Variants in DNAH3 observed in about 807,000 individuals in gnomAD.
DNAH3 encodes the protein axonemal beta dynein heavy chain 3.
DNAH3 carries 332 observed loss-of-function variants against 432.5 expected under a neutral mutation model. That is an observed-to-expected ratio of 0.77 (90% CI 0.70 to 0.84). DNAH3 has a LOEUF of 0.84. Ranked by LOEUF, DNAH3 falls within the 40% of genes least tolerant of loss-of-function variation. DNAH3 has a pLI of 0.00. For synonymous variants in DNAH3, 1,956 were observed against 1,900.2 expected, an observed-to-expected ratio of 1.03 and a Z score of -0.76; for missense variants, 4,861 against 5,114.0, an observed-to-expected ratio of 0.95 and a Z score of 1.51.
exon 55 of DNAH3, chr16:20,954,852 G>C (rs1333811510): frequency 6.2e-7 from 1 of 1,614,108 alleles, no homozygotes; most frequent in Non-Finnish European, 8.5e-7. Flanking sequence ...ACAACGGCGT[G>C]GAAGAAACAA....
At chr16:21,128,386 A>AAAAAC (rs141397436) in intron 7 of DNAH3, among the ~76,000 whole-genome samples, 41,773 of 150,218 alleles carry the variant, frequency 0.28, 5,917 homozygotes, top group African/African-American at 0.33. Context: ...TCATCTCTCC[A>AAAAAC]AAAACAAAAC....
At chr16:21,075,681 G>A in intron 20 of DNAH3, 120 bp from the exon 21 acceptor site, 1 of 769,198 alleles carries the variant, frequency 1.3e-6, no homozygotes, top group South Asian at 1.5e-5. Context: ...GGGAGGCCGA[G>A]GAGGGAAGAT....
At chr16:21,156,296 A>G (rs901489957) in intron 1 of DNAH3, among the ~76,000 whole-genome samples, 3 of 151,560 alleles carry the variant, frequency 2.0e-5, no homozygotes, top group East Asian at 1.9e-4. Flanking sequence ...CAGTGGTGCA[A>G]TCTCAGCTCA....
At chr16:21,090,828 TGTA>T (rs1220091901) in intron 18 of DNAH3, among the ~76,000 whole-genome samples, 1 of 152,146 alleles carries the variant, frequency 6.6e-6, no homozygotes. Context: ...AGTAATCTAT[TGTA>T]GTGCATGGTG....
At chr16:21,003,104 C>A in exon 42 of DNAH3, 1 of 1,596,814 alleles carries the variant, frequency 6.3e-7, no homozygotes, top group Non-Finnish European at 8.6e-7. Context: ...CTCTTTATAC[C>A]TTTGCACCAG....
At chr16:20,962,190 TAAAA>T (rs923173596) in intron 53 of DNAH3, among the ~76,000 whole-genome samples, 4 of 151,188 alleles carry the variant, frequency 2.6e-5, no homozygotes, top group Non-Finnish European at 5.9e-5. Context: ...AAATAATAAT[TAAAA>T]AAAATAATCA....
chr16:21,125,776 A>C (rs946518000), intron 8 of DNAH3, among the ~76,000 whole-genome samples: 2 of 152,214 alleles, frequency 1.3e-5, no homozygotes, highest in African/African-American at 4.8e-5. Context: ...AATGAGGAGC[A>C]AAGAAAGAAA....
chr16:21,013,719 C>CAAAAAAAAA (rs557641711), intron 41 of DNAH3, among the ~76,000 whole-genome samples: 4 of 47,408 alleles, frequency 8.4e-5, no homozygotes, highest in Non-Finnish European at 1.2e-4. Context: ...AACTCCATCT[C>CAAAAAAAAA]AAAAAAAAAA....
chr16:21,099,761 C>T (rs1421637636), intron 16 of DNAH3, among the ~76,000 whole-genome samples: 1 of 152,158 alleles, frequency 6.6e-6, no homozygotes, highest in Admixed American at 6.5e-5. Context: ...ATAGTCAATA[C>T]ATAAGTGTTT....
At chr16:21,022,976 G>T (rs1186818939) in intron 39 of DNAH3, among the ~76,000 whole-genome samples, 1 of 152,114 alleles carries the variant, frequency 6.6e-6, no homozygotes, top group Non-Finnish European at 1.5e-5. Flanking sequence ...TCGAACTCCT[G>T]ACCTCAAGTG....
At chr16:21,031,381 AT>A in intron 36 of DNAH3, 95 bp from the exon 37 acceptor site, 1 of 1,476,616 alleles carries the variant, frequency 6.8e-7, no homozygotes, top group South Asian at 1.3e-5. Context: ...ATCAACTTTT[AT>A]AAATATGCCA....
At chr16:21,088,546 G>C (rs2091446889) in intron 18 of DNAH3, among the ~76,000 whole-genome samples, 1 of 152,166 alleles carries the variant, frequency 6.6e-6, no homozygotes, top group African/African-American at 2.4e-5. Flanking sequence ...CAAGAGAGAA[G>C]AACATAAAAT....
At chr16:20,992,438 C>T (rs1304259599) in intron 44 of DNAH3, among the ~76,000 whole-genome samples, 3 of 151,946 alleles carry the variant, frequency 2.0e-5, no homozygotes, top group Admixed American at 6.6e-5. Context: ...CTCCGCCTCC[C>T]GGGTTCACGC....
rs144670453 is a variant in DNAH3 at position 21,030,531 on chromosome 16, T to A, written c.5439+514A>T. On this transcript the variant is annotated intron_variant, in intron 37 of 61. Coordinates refer to ENST00000261383, the Ensembl canonical transcript of DNAH3. ...AGCTGACATCAAAAGAGAGACCAAC[T>A]GGCCAGCTGAGCCCTTTCAAAATTC... 2.0e-5 allele frequency among the ~76,000 whole-genome samples: 3 copies of A among 152,280 alleles called. No homozygotes were observed. In the East Asian group the frequency reaches 5.8e-4, roughly 29 times the overall value.
intron 31 of DNAH3, among the ~76,000 whole-genome samples, chr16:21,046,165 G>A (rs1239184926): frequency 7.4e-6 from 1 of 135,176 alleles, no homozygotes; most frequent in African/African-American, 2.8e-5. Context: ...ATTTGGGGTG[G>A]AGAGTTCTGT....
At chr16:21,154,951 CTTTTTTTT>C (rs772054168) in intron 1 of DNAH3, among the ~76,000 whole-genome samples, 4 of 134,680 alleles carry the variant, frequency 3.0e-5, no homozygotes, top group African/African-American at 1.1e-4. Flanking sequence ...TTCTTTCTTT[CTTTTTTTT>C]TTTTTTTTGA....
chr16:21,080,861 C>T (rs994539914), intron 20 of DNAH3, among the ~76,000 whole-genome samples: 1 of 152,286 alleles, frequency 6.6e-6, no homozygotes, highest in Admixed American at 6.5e-5. Context: ...AATTCTCACA[C>T]ACAAACTCCA....
intron 43 of DNAH3, among the ~76,000 whole-genome samples, chr16:20,998,258 GTTTTGT>G (rs1444637670): frequency 6.6e-6 from 1 of 151,988 alleles, no homozygotes; most frequent in Non-Finnish European, 1.5e-5. Context: ...TTGTTTGTTT[GTTTTGT>G]TTTTGTTTTT....
chr16:20,984,010 G>GACCC (rs2086046906), intron 48 of DNAH3, among the ~76,000 whole-genome samples: 1 of 139,338 alleles, frequency 7.2e-6, no homozygotes, highest in Non-Finnish European at 1.5e-5. Context: ...CTGGGTGACA[G>GACCC]AGCAAGACCC....
Sources: gnomAD v4.1 joint callset for allele counts (sites outside exome capture counted in the v4.1 genomes callset) on GRCh38, gnomAD v4.1.1 for gene constraint, MANE v1.5 for transcripts, NCBI Gene and HGNC (gene_info 2026-07-23, HGNC 2026-07-21) for gene names.